The following RAB3B variants were observed in gnomAD, a reference collection of about 807,000 sequenced individuals.
The protein encoded by RAB3B is ras-related protein Rab-3B.
A neutral mutation model predicts 20.5 loss-of-function variants in RAB3B; 11 were observed. The observed-to-expected ratio is 0.54, with a 90% CI of 0.34 to 0.89. The LOEUF (loss-of-function observed/expected upper bound fraction) is 0.89, where lower values mean the gene tolerates loss of function less well. Among genes scored for constraint, RAB3B ranks in the 40% least tolerant of loss-of-function variants. RAB3B has a pLI of 0.02. For missense variants in RAB3B, 225 were observed against 280.9 expected (o/e 0.80, Z 1.42); for synonymous variants, 99 against 106.3 (o/e 0.93, Z 0.42).
chr1:51,909,236 G>A lies in RAB3B; in HGVS notation c.*10691C>T, dbSNP rs1683964505. ...GAGCTGAAAGAAGGAGGGGATCCTTGGAAAGGGCTCTGAGAGGGGTGTATT... is the reference window on the plus strand; with the variant it reads ...GAGCTGAAAGAAGGAGGGGATCCTTAGAAAGGGCTCTGAGAGGGGTGTATT... On this transcript the variant is annotated 3_prime_UTR_variant, in exon 5 of 5. Transcript: ENST00000371655. 1 of 151,182 alleles carries A rather than the reference G, an allele frequency of 6.6e-6. No homozygotes were observed. The highest frequency in any genetic ancestry group is 1.5e-5 in the Non-Finnish European group (1 of 67,988). The allele number at this position is 151,182 out of a possible 1,614,324, so 9.4% of individuals were successfully genotyped here. A position where few individuals can be genotyped will look rare whatever the true frequency, so the allele number is the denominator to read the frequency against.
At chr1:51,935,732 G>A (rs995892301) in intron 3 of RAB3B, among the ~76,000 whole-genome samples, 1 of 152,042 alleles carries the variant, frequency 6.6e-6, no homozygotes, top group East Asian at 1.9e-4. Flanking sequence ...TGAGAGAGAA[G>A]AGGAGGAGCA....
chr1:51,931,853 T>C (rs1013582430), intron 4 of RAB3B, among the ~76,000 whole-genome samples: 5 of 152,038 alleles, frequency 3.3e-5, no homozygotes, highest in Admixed American at 1.3e-4. Context: ...GAAGAGAGCA[T>C]TCCAAGCAGA....
intron 2 of RAB3B, among the ~76,000 whole-genome samples, chr1:51,940,007 A>G (rs1684468453): frequency 6.6e-6 from 1 of 152,220 alleles, no homozygotes; most frequent in Admixed American, 6.5e-5. Context: ...GAGAAAAATA[A>G]TTTCAGTATG....
At position 51,908,753 on chromosome 1, in the gene RAB3B, C is replaced by G. The variant is rs1192810417; in HGVS notation, c.*11174G>C. 2.0e-5 allele frequency: 3 copies of G among 152,254 alleles called. No individual in the cohort carries two copies. In the South Asian group the frequency reaches 6.2e-4, roughly 32 times the overall value. The allele number at this position is 152,254 out of a possible 1,614,324, so 9.4% of individuals were successfully genotyped here. A position where few individuals can be genotyped will look rare whatever the true frequency, so the allele number is the denominator to read the frequency against. ...CCACTGCGGGGGGAACAGACCCTCC[C>G]CTGTTCTGAGACTAACCCTGCCATT... On this transcript the variant is annotated 3_prime_UTR_variant, in exon 5 of 5. Transcript: ENST00000371655.
chr1:51,979,560 C>T (rs1012542297), intron 1 of RAB3B, among the ~76,000 whole-genome samples: 17 of 151,914 alleles, frequency 1.1e-4, no homozygotes, highest in African/African-American at 4.1e-4. Flanking sequence ...CGTGAGCCAC[C>T]ACACCTGGCC....
intron 2 of RAB3B, among the ~76,000 whole-genome samples, chr1:51,938,766 C>T (rs1157870401): frequency 6.6e-6 from 1 of 151,758 alleles, no homozygotes; most frequent in African/African-American, 2.4e-5. Flanking sequence ...ATCTCCACCC[C>T]CTGGGCTCAA....
chr1:51,985,165 T>C (rs1214361721), intron 1 of RAB3B, among the ~76,000 whole-genome samples: 1 of 152,186 alleles, frequency 6.6e-6, no homozygotes, highest in Non-Finnish European at 1.5e-5. Flanking sequence ...TCTCGGCCCA[T>C]GGAGGTACTG....
chr1:51,936,164 C>A (rs1331640901), intron 3 of RAB3B, among the ~76,000 whole-genome samples: 1 of 152,226 alleles, frequency 6.6e-6, no homozygotes, highest in Non-Finnish European at 1.5e-5. Context: ...CTCTCCGATT[C>A]TGAAGGACAG....
chr1:51,932,305 G>A lies in RAB3B; in HGVS notation c.472+1013C>T, dbSNP rs117063169. ...ACACTAAGGATGTGAGATATACTTA[G>A]GGAGACTGTCTAAAAGCTAAGCAGT... On this transcript the variant is annotated intron_variant, in intron 4 of 4. Coordinates refer to ENST00000371655, the MANE Select transcript of RAB3B (RefSeq NM_002867.4). Among the ~76,000 whole-genome samples the A allele has an allele frequency of 3.3e-5, 5 of 152,230 alleles. No homozygotes were observed. In the East Asian group the frequency reaches 9.6e-4, roughly 29 times the overall value.
At chr1:51,979,243 G>C (rs1364396956) in intron 1 of RAB3B, among the ~76,000 whole-genome samples, 1 of 151,158 alleles carries the variant, frequency 6.6e-6, no homozygotes, top group Non-Finnish European at 1.5e-5. Flanking sequence ...GCTGTTGCAA[G>C]AACTTGCCAT....
chr1:51,969,619 T>C (rs142608401), intron 2 of RAB3B, among the ~76,000 whole-genome samples: 2 of 14,798 alleles, frequency 1.4e-4, no homozygotes, highest in South Asian at 5.3e-3. Flanking sequence ...GTAATAAGGC[T>C]TTTTTTTTTC....
chr1:51,972,479 TTTC>T (rs1320828494), intron 2 of RAB3B, among the ~76,000 whole-genome samples: 16 of 150,144 alleles, frequency 1.1e-4, no homozygotes, highest in Admixed American at 2.6e-4. Context: ...ACTATGCTTT[TTTC>T]TTTTTTCTTT....
At chr1:51,975,124 G>C (rs906341049) in intron 2 of RAB3B, among the ~76,000 whole-genome samples, 1 of 152,182 alleles carries the variant, frequency 6.6e-6, no homozygotes, top group African/African-American at 2.4e-5. Context: ...TGAAGCAACA[G>C]AATCGATTGA....
chr1:51,945,443 C>A (rs953886242), intron 2 of RAB3B, among the ~76,000 whole-genome samples: 5 of 152,056 alleles, frequency 3.3e-5, no homozygotes, highest in African/African-American at 1.2e-4. Flanking sequence ...ACTGGGAAAC[C>A]AAAAAATTCA....
In RAB3B at chr1:51,966,334, C is replaced by T. The variant is rs746140609; in HGVS notation, c.228+10556G>A. On this transcript the variant is annotated intron_variant, in intron 2 of 4. Transcript: ENST00000371655. ...CACTTTCTTCATCCCTTTATTACAT[C>T]GCTTTTATCACATTGTAGCTGTTTC... 2.0e-5 allele frequency among the ~76,000 whole-genome samples: 3 copies of T among 152,336 alleles called. 1 individual carries two copies. Among genetic ancestry groups the T allele is most frequent in the African/African-American group, 2.4e-5 (1 of 41,578 alleles).
At position 51,913,510 on chromosome 1, in the gene RAB3B, C is replaced by T. The variant is rs1310132870; in HGVS notation, c.*6417G>A. On this transcript the variant is annotated 3_prime_UTR_variant, in exon 5 of 5. Coordinates refer to ENST00000371655, the MANE Select transcript of RAB3B (RefSeq NM_002867.4). ...TTTTTGAGACTGAGTCTGGCTCTAT[C>T]GCCCAGGCTGAAGTGCAGTGGTGCG... The T allele has an allele frequency of 2.0e-5, 3 of 150,910 alleles. No homozygotes were observed. Among genetic ancestry groups the T allele is most frequent in the African/African-American group, 7.3e-5 (3 of 40,952 alleles). 9.3% of individuals were successfully genotyped at this position (150,910 alleles called of 1,614,324 possible).
intron 4 of RAB3B, among the ~76,000 whole-genome samples, chr1:51,932,185 C>T (rs1161385400): frequency 6.6e-6 from 1 of 152,164 alleles, no homozygotes. Context: ...ACAATTCACA[C>T]TTGTATTTTA....
intron 4 of RAB3B, among the ~76,000 whole-genome samples, chr1:51,926,082 G>A (rs1030478566): frequency 6.6e-6 from 1 of 152,182 alleles, no homozygotes; most frequent in Non-Finnish European, 1.5e-5. Flanking sequence ...CATCACAGGA[G>A]GCTGGGAAAC....
At chr1:51,951,562 G>A (rs116567379) in intron 2 of RAB3B, among the ~76,000 whole-genome samples, 5,046 of 152,272 alleles carry the variant, frequency 0.033, 119 homozygotes, top group Non-Finnish European at 0.048. Flanking sequence ...AGTCACTCAT[G>A]CCTGTAATCC....
Sources: allele counts gnomAD v4.1 joint callset (sites outside exome capture counted in the v4.1 genomes callset), GRCh38; gene constraint gnomAD v4.1.1; transcripts MANE v1.5; gene names NCBI Gene and HGNC (gene_info 2026-07-23, HGNC 2026-07-21).